PTPRD: variants seen among roughly 807,000 people sequenced by gnomAD.
PTPRD encodes the protein receptor-type tyrosine-protein phosphatase delta.
A neutral mutation model predicts 214.5 loss-of-function variants in PTPRD; 34 were observed. The observed-to-expected ratio is 0.16, with a 90% CI of 0.12 to 0.21. The LOEUF (loss-of-function observed/expected upper bound fraction) is 0.21. Ranked by LOEUF, PTPRD falls within the 10% of genes least tolerant of loss-of-function variation. The pLI is 1.00. For synonymous variants in PTPRD, 1,128 were observed against 845.7 expected, an observed-to-expected ratio of 1.33 and a Z score of -5.79; for missense variants, 2,545 against 2,398.7, an observed-to-expected ratio of 1.06 and a Z score of -1.27.
chr9:10,227,639 G>C (rs140726239), intron 3 of PTPRD, among the ~76,000 whole-genome samples: 2 of 152,022 alleles, frequency 1.3e-5, no homozygotes, highest in African/African-American at 4.8e-5. Context: ...AAGTGATGCT[G>C]TAATTGTTTA....
Position 9,863,050 on chromosome 9 carries a change from T to G in PTPRD, c.-368+75457A>C, listed in dbSNP as rs532800845. The stretch of plus-strand genomic sequence containing the variant: ...CTTTGTAGCTCTTTTTTGAGATTTT[T>G]TAAATTTTACTCATTCAACAAAAAT... On this transcript the variant is annotated intron_variant, in intron 5 of 45. Coordinates refer to ENST00000381196, the MANE Select transcript of PTPRD (RefSeq NM_002839.4). 2.0e-5 allele frequency among the ~76,000 whole-genome samples: 3 copies of G among 152,336 alleles called. No individual in the cohort carries two copies. In the East Asian group the frequency reaches 5.8e-4, roughly 29 times the overall value.
At chr9:10,013,489 CAG>C (rs1435022967) in intron 4 of PTPRD, among the ~76,000 whole-genome samples, 1 of 150,972 alleles carries the variant, frequency 6.6e-6, no homozygotes, top group African/African-American at 2.4e-5. Flanking sequence ...GGGCAGGAAA[CAG>C]AGATTCACCT....
intron 9 of PTPRD, among the ~76,000 whole-genome samples, chr9:9,330,568 G>T (rs1039994458): frequency 3.3e-5 from 5 of 152,010 alleles, no homozygotes; most frequent in African/African-American, 9.7e-5. Flanking sequence ...ATTATTAAAA[G>T]TCTGTTCAGT....
At chr9:8,852,422 A>G (rs182954051) in intron 11 of PTPRD, among the ~76,000 whole-genome samples, 3 of 152,332 alleles carry the variant, frequency 2.0e-5, no homozygotes, top group Admixed American at 2.0e-4. Context: ...CTTTCTGGTC[A>G]ATGAATTCAA....
chr9:8,865,562 C>A (rs910247737), intron 11 of PTPRD, among the ~76,000 whole-genome samples: 3 of 152,096 alleles, frequency 2.0e-5, no homozygotes, highest in African/African-American at 4.8e-5. Context: ...CATTCTTTTC[C>A]TTTTCTTCTT....
At chr9:9,722,780 T>G (rs1338420672) in intron 7 of PTPRD, among the ~76,000 whole-genome samples, 1 of 152,092 alleles carries the variant, frequency 6.6e-6, no homozygotes, top group East Asian at 1.9e-4. Context: ...AGCAGTACCT[T>G]GTGGTTTTGA....
intron 11 of PTPRD, among the ~76,000 whole-genome samples, chr9:8,836,098 T>G (rs1166205248): frequency 6.6e-6 from 1 of 152,218 alleles, no homozygotes; most frequent in Admixed American, 6.5e-5. Flanking sequence ...TGCCACTTTT[T>G]ATGTCCTAGA....
chr9:9,522,994 T>C (rs828817), intron 8 of PTPRD, among the ~76,000 whole-genome samples: 34,925 of 152,090 alleles, frequency 0.23, 4,835 homozygotes, highest in Non-Finnish European at 0.3. Flanking sequence ...GCCATGTATA[T>C]AGCAGAAAAC....
In PTPRD at chr9:8,940,280, C is replaced by CTTTGTTTT. The variant is rs1555558785; in HGVS notation, c.-104+78416_-104+78417insAAAACAAA. 2.2e-5 allele frequency among the ~76,000 whole-genome samples: 2 copies of CTTTGTTTT among 89,050 alleles called. 1 individual carries two copies. Among genetic ancestry groups the CTTTGTTTT allele is most frequent in the Non-Finnish European group, 4.1e-5 (2 of 48,734 alleles). The allele number at this position is 89,050 out of a possible 152,430, so 58.4% of individuals were successfully genotyped here. A position where few individuals can be genotyped will look rare whatever the true frequency, so the allele number is the denominator to read the frequency against. ...TCACACATCTCTCTCTCTCTCTCTC[C>CTTTGTTTT]TTTTTTTTTTTTTTTTTTTTGAGAT... On this transcript the variant is annotated intron_variant, in intron 11 of 45. Transcript: ENST00000381196.
chr9:9,092,829 C>T (rs933132626), intron 10 of PTPRD, among the ~76,000 whole-genome samples: 140 of 151,844 alleles, frequency 9.2e-4, no homozygotes, highest in African/African-American at 3.3e-3. Flanking sequence ...GATCATCAAC[C>T]ATACCAATAA....
At chr9:8,925,804 T>G (rs1297107650) in intron 11 of PTPRD, among the ~76,000 whole-genome samples, 1 of 151,234 alleles carries the variant, frequency 6.6e-6, no homozygotes, top group East Asian at 2.0e-4. Flanking sequence ...TGTAATTAGT[T>G]CAAGGAGAAC....
At chr9:8,471,837 G>C (rs567172779) in intron 30 of PTPRD, among the ~76,000 whole-genome samples, 1 of 152,186 alleles carries the variant, frequency 6.6e-6, no homozygotes, top group Non-Finnish European at 1.5e-5. Context: ...TGGGTTATTT[G>C]TAAAGCTGTT....
At chr9:9,273,330 C>T (rs1943690109) in intron 9 of PTPRD, among the ~76,000 whole-genome samples, 1 of 151,124 alleles carries the variant, frequency 6.6e-6, no homozygotes, top group African/African-American at 2.4e-5. Flanking sequence ...ATTTGAGATC[C>T]TCTGCCACAA....
At chr9:8,991,321 T>C (rs1469131474) in intron 11 of PTPRD, among the ~76,000 whole-genome samples, 1 of 152,274 alleles carries the variant, frequency 6.6e-6, no homozygotes, top group African/African-American at 2.4e-5. Flanking sequence ...AATAAATTTG[T>C]TGTGCTTTTC....
At chr9:9,989,321 C>T (rs2095832359) in intron 4 of PTPRD, among the ~76,000 whole-genome samples, 1 of 152,070 alleles carries the variant, frequency 6.6e-6, no homozygotes, top group African/African-American at 2.4e-5. Context: ...TTTCCAAAAC[C>T]ACCCTAGCCT....
At chr9:10,169,877 T>C (rs1474647147) in intron 3 of PTPRD, among the ~76,000 whole-genome samples, 1 of 152,218 alleles carries the variant, frequency 6.6e-6, no homozygotes, top group African/African-American at 2.4e-5. Context: ...TAGAAGGTGA[T>C]TCCAAGTGGG....
intron 2 of PTPRD, among the ~76,000 whole-genome samples, chr9:10,405,777 T>C (rs2098344410): frequency 6.6e-6 from 1 of 151,444 alleles, no homozygotes; most frequent in Admixed American, 6.6e-5. Flanking sequence ...AATAAGATGG[T>C]TTGGTGAAGC....
At position 10,418,597 on chromosome 9, in the gene PTPRD, GT is replaced by G. The variant is rs553205914; in HGVS notation, c.-599-77581del. ...CTTTGTTATTACTTATTTGGTTAAG[GT>G]TTCTCTTTCCCACTCCCACTTCCAC... On this transcript the variant is annotated intron_variant, in intron 2 of 45. Transcript: ENST00000381196. 5.3e-5 allele frequency among the ~76,000 whole-genome samples: 8 copies of G among 151,220 alleles called. No homozygotes were observed. The East Asian group carries it at 1.6e-3, about 30-fold the overall frequency.
At chr9:10,190,386 G>GAAA (rs66511711) in intron 3 of PTPRD, among the ~76,000 whole-genome samples, 11 of 50,154 alleles carry the variant, frequency 2.2e-4, no homozygotes, top group South Asian at 8.6e-4. Context: ...TCTATCTCCA[G>GAAA]AAAAAAAAAA....
Sources: allele counts gnomAD v4.1 joint callset (sites outside exome capture counted in the v4.1 genomes callset), GRCh38; gene constraint gnomAD v4.1.1; transcripts MANE v1.5; gene names NCBI Gene and HGNC (gene_info 2026-07-23, HGNC 2026-07-21).